SENP7: variants seen among roughly 807,000 people sequenced by gnomAD.
SENP7 encodes the protein sentrin-specific protease 7.
Under a neutral mutation model 141.2 loss-of-function variants are expected in SENP7, and 64 were observed. That is an observed-to-expected ratio of 0.45 (90% CI 0.37 to 0.56). The LOEUF is 0.56. SENP7 is among the 20% of genes least tolerant of loss of function. The pLI is 0.00. For synonymous variants in SENP7, 382 were observed against 426.4 expected (o/e 0.90, Z 1.28); for missense variants, 1,025 against 1,212.2 (o/e 0.85, Z 2.29).
intron 3 of SENP7, among the ~76,000 whole-genome samples, chr3:101,473,384 T>C (rs555013240): frequency 6.6e-6 from 1 of 152,304 alleles, no homozygotes; most frequent in South Asian, 2.1e-4. Flanking sequence ...CTCCACAACC[T>C]CACCACCATC....
chr3:101,331,659 T>A (rs1464280049), intron 19 of SENP7, among the ~76,000 whole-genome samples: 1 of 152,062 alleles, frequency 6.6e-6, no homozygotes, highest in Non-Finnish European at 1.5e-5. Context: ...AGGAGATTAT[T>A]ATTATATCAG....
rs777839772 is a variant in SENP7, at chr3:101,327,684, A to G, written c.2997T>C (p.Tyr999=). 2 of 1,600,898 alleles carry G rather than the reference A, an allele frequency of 1.2e-6. No individual in the cohort carries two copies. Among genetic ancestry groups the G allele is most frequent in the Non-Finnish European group, 1.7e-6 (2 of 1,175,040 alleles). Residue 999 remains tyrosine (Y), a synonymous_variant, in exon 23 of 24, where the codon TAT becomes TAC. Transcript: ENST00000394095. ...SSDCGVYLLQ[Y]VESFFKDPIV... is the part of the protein sequence containing the mutation. ...CACATACCTTGAAGAAGCTTTCCAC[A>G]TACTGCAATAAATATACTCCACAAT...
intron 4 of SENP7, among the ~76,000 whole-genome samples, chr3:101,423,837 G>T (rs1052560378): frequency 3.3e-5 from 5 of 152,142 alleles, no homozygotes; most frequent in African/African-American, 1.2e-4. Flanking sequence ...CCACTCTCCC[G>T]AAGGGTCTCT....
chr3:101,496,169 C>T (rs2065152165), intron 2 of SENP7, among the ~76,000 whole-genome samples: 1 of 152,054 alleles, frequency 6.6e-6, no homozygotes. Context: ...GTCTGGGTGG[C>T]CTTAATTCAC....
At chr3:101,342,184 TA>T (rs2059343972) in intron 14 of SENP7, among the ~76,000 whole-genome samples, 1 of 152,096 alleles carries the variant, frequency 6.6e-6, no homozygotes, top group Admixed American at 6.5e-5. Flanking sequence ...ACATTATACA[TA>T]AAGAAAGATA....
At chr3:101,511,944 T>C (rs2065877492) in intron 1 of SENP7, among the ~76,000 whole-genome samples, 1 of 152,062 alleles carries the variant, frequency 6.6e-6, no homozygotes, top group Non-Finnish European at 1.5e-5. Context: ...CTCAGCCTCC[T>C]GAGTAGCTGG....
At chr3:101,477,499 T>TAA (rs60916302) in intron 3 of SENP7, among the ~76,000 whole-genome samples, 107 of 151,476 alleles carry the variant, frequency 7.1e-4, no homozygotes, top group African/African-American at 2.4e-3. Flanking sequence ...AGATTTTAAG[T>TAA]AAAAAAAACC....
chr3:101,355,586 C>G (rs1376768090), intron 11 of SENP7, among the ~76,000 whole-genome samples: 1 of 152,146 alleles, frequency 6.6e-6, no homozygotes, highest in Non-Finnish European at 1.5e-5. Context: ...GTTTTTGTAC[C>G]AGTACCATAC....
rs553239818 is a variant in SENP7, at chr3:101,508,017, C to G, written c.40+5074G>C. Among the ~76,000 whole-genome samples the G allele has an allele frequency of 6.6e-4, 93 of 141,004 alleles. 1 individual carries two copies. Among genetic ancestry groups the G allele is most frequent in the African/African-American group, 2.3e-3 (85 of 36,418 alleles). 92.5% of individuals were successfully genotyped at this position (141,004 alleles called of 152,430 possible). A position where few individuals can be genotyped will look rare whatever the true frequency, so the allele number is the denominator to read the frequency against. On this transcript the variant is annotated intron_variant, in intron 1 of 23. Coordinates refer to ENST00000394095, the MANE Select transcript of SENP7 (RefSeq NM_020654.5). ...TGAGCTGAGATCACGTCACTGCACT[C>G]CAGCCTGGCGACAGAGCGAGACTCC...
chr3:101,442,897 A>G (rs2062735748), intron 4 of SENP7, among the ~76,000 whole-genome samples: 1 of 152,242 alleles, frequency 6.6e-6, no homozygotes, highest in African/African-American at 2.4e-5. Context: ...CATTATAAAA[A>G]GAACAAATAT....
At chr3:101,353,958 G>GA (rs139328265) in intron 11 of SENP7, among the ~76,000 whole-genome samples, 8 of 151,296 alleles carry the variant, frequency 5.3e-5, no homozygotes, top group East Asian at 3.9e-4. Context: ...CACCAAAAAA[G>GA]AAAAAAAAGT....
At chr3:101,451,881 G>A (rs1236135407) in intron 4 of SENP7, among the ~76,000 whole-genome samples, 2 of 152,076 alleles carry the variant, frequency 1.3e-5, no homozygotes, top group Non-Finnish European at 2.9e-5. Flanking sequence ...GGCAAGAGAA[G>A]GAAATAAAGG....
intron 5 of SENP7, among the ~76,000 whole-genome samples, chr3:101,401,439 G>A (rs1372327500): frequency 6.6e-6 from 1 of 151,132 alleles, no homozygotes; most frequent in African/African-American, 2.4e-5. Flanking sequence ...TGAGGCAGAA[G>A]AATGACTTGA....
Position 101,371,659 on chromosome 3 carries a change from G to A in SENP7, c.796+349C>T, listed in dbSNP as rs79154453. On this transcript the variant is annotated intron_variant, in intron 7 of 23. Coordinates refer to ENST00000394095, the MANE Select transcript of SENP7 (RefSeq NM_020654.5). ...GAATGTATTTCATGGTAGGCAAATA[G>A]ACAGTGATTAGCTAATAATAAAAAC... Among the ~76,000 whole-genome samples the A allele has an allele frequency of 5.5e-3, 838 of 152,146 alleles. 8 individuals are homozygous for A. Among genetic ancestry groups the A allele is most frequent in the African/African-American group, 0.019 (784 of 41,478 alleles).
At chr3:101,381,537 A>G (rs1576165135) in intron 6 of SENP7, among the ~76,000 whole-genome samples, 1 of 152,080 alleles carries the variant, frequency 6.6e-6, no homozygotes, top group Non-Finnish European at 1.5e-5. Context: ...ACTTTTCTAT[A>G]TATCTCTTAA....
Position 101,449,937 on chromosome 3 carries a change from G to A in SENP7, c.284+9018C>T, listed in dbSNP as rs575936724. 4.6e-3 allele frequency among the ~76,000 whole-genome samples: 699 copies of A among 152,216 alleles called. 7 individuals carry two copies. The highest frequency in any genetic ancestry group is 6.6e-3 in the Non-Finnish European group (446 of 68,026). Reference sequence around the variant, plus strand: ...ACTGGCAAATTGGATAAAGAGTCAAGACCCATCAGTGTGCTATATTCAGGA... The same window carrying A: ...ACTGGCAAATTGGATAAAGAGTCAAAACCCATCAGTGTGCTATATTCAGGA... On this transcript the variant is annotated intron_variant, in intron 4 of 23. Transcript: ENST00000394095.
chr3:101,512,948 C>G, intron 1 of SENP7, 143 bp downstream of exon 1: 8 of 886,272 alleles, frequency 9.0e-6, no homozygotes, highest in South Asian at 1.4e-5. Flanking sequence ...GACCCGGGAG[C>G]CTTCCATTGT....
chr3:101,434,865 T>C (rs2062322190), intron 4 of SENP7, among the ~76,000 whole-genome samples: 1 of 152,112 alleles, frequency 6.6e-6, no homozygotes, highest in African/African-American at 2.4e-5. Flanking sequence ...ATGCCAATCC[T>C]ACTCAAACTA....
intron 3 of SENP7, among the ~76,000 whole-genome samples, chr3:101,469,554 A>G (rs6775091): frequency 0.51 from 54,233 of 107,222 alleles, 20,789 homozygotes; most frequent in African/African-American, 0.71. Flanking sequence ...GCCGGGCGCG[A>G]TGGCTCACGC....
Sources: gnomAD v4.1 joint callset for allele counts (sites outside exome capture counted in the v4.1 genomes callset) on GRCh38, gnomAD v4.1.1 for gene constraint, MANE v1.5 for transcripts, NCBI Gene and HGNC (gene_info 2026-07-23, HGNC 2026-07-21) for gene names.